The following POLE2 variants were observed in gnomAD, a reference collection of about 807,000 sequenced individuals.
POLE2 encodes DNA polymerase epsilon 2, accessory subunit.
Under a neutral mutation model 79.4 loss-of-function variants are expected in POLE2, and 56 were observed. The ratio of observed to expected loss-of-function variants is 0.71; its 90% CI spans 0.57 to 0.88. The LOEUF is 0.88. POLE2 is among the 40% of genes least tolerant of loss of function. POLE2 has a pLI of 0.00. For synonymous variants in POLE2, 212 were observed against 214.0 expected, an observed-to-expected ratio of 0.99 and a Z score of 0.08; for missense variants, 598 against 638.9, an observed-to-expected ratio of 0.94 and a Z score of 0.69.
chr14:49,664,751 C>T (rs1885357942), intron 8 of POLE2, 77 bp from the exon 9 acceptor site: 1 of 874,474 alleles, frequency 1.1e-6, no homozygotes, highest in Non-Finnish European at 1.9e-6. Flanking sequence ...TCCAACAAGG[C>T]TTCTAAATAA....
intron 6 of POLE2, among the ~76,000 whole-genome samples, chr14:49,667,081 G>A (rs1478492094): frequency 2.0e-5 from 3 of 151,980 alleles, no homozygotes; most frequent in South Asian, 2.1e-4. Context: ...CCAGCTACTC[G>A]GGAGGCTGAG....
At chr14:49,646,313 T>G (rs1410430909) in intron 18 of POLE2, among the ~76,000 whole-genome samples, 7 of 66,380 alleles carry the variant, frequency 1.1e-4, no homozygotes, top group East Asian at 2.7e-4. Flanking sequence ...TTTTTTTTTT[T>G]TTTTTTTTTT....
chr14:49,656,490 A>T (rs371019190), intron 10 of POLE2, among the ~76,000 whole-genome samples: 1 of 152,248 alleles, frequency 6.6e-6, no homozygotes, highest in African/African-American at 2.4e-5. Flanking sequence ...CCATCTGCCC[A>T]AGTAATTCTA....
At chr14:49,680,353 CA>C (rs34930369) in intron 2 of POLE2, among the ~76,000 whole-genome samples, 155 of 139,752 alleles carry the variant, frequency 1.1e-3, no homozygotes, top group Non-Finnish European at 1.0e-3. Context: ...GATACTATCT[CA>C]AAAAAAAAAA....
intron 18 of POLE2, among the ~76,000 whole-genome samples, chr14:49,645,043 C>CAAAAAAAAAAA (rs527251561): frequency 5.7e-5 from 5 of 88,304 alleles, no homozygotes; most frequent in Admixed American, 1.4e-4. Flanking sequence ...CTCCGTCTCA[C>CAAAAAAAAAAA]AAAAAAAAAA....
chr14:49,675,160 C>T (rs1886181445), intron 3 of POLE2, among the ~76,000 whole-genome samples: 1 of 151,268 alleles, frequency 6.6e-6, no homozygotes, highest in Non-Finnish European at 1.5e-5. Flanking sequence ...TCGTGGCTCA[C>T]CACAACCTCC....
At chr14:49,670,545 T>A (rs563238170) in intron 5 of POLE2, among the ~76,000 whole-genome samples, 17 of 152,032 alleles carry the variant, frequency 1.1e-4, no homozygotes, top group Non-Finnish European at 2.5e-4. Context: ...CTTCTATAGA[T>A]AGGAATTCAA....
chr14:49,650,131 G>C (rs1884099866), intron 17 of POLE2, 134 bp downstream of exon 17: 1 of 479,884 alleles, frequency 2.1e-6, no homozygotes, highest in Admixed American at 4.3e-5. Context: ...TCTGTGTATA[G>C]AAACTTAATT....
chr14:49,676,122 C>T (rs1475465567), intron 3 of POLE2, among the ~76,000 whole-genome samples: 2 of 152,114 alleles, frequency 1.3e-5, no homozygotes, highest in Non-Finnish European at 2.9e-5. Context: ...CCCTCCAATT[C>T]TGGCCATATC....
intron 6 of POLE2, among the ~76,000 whole-genome samples, chr14:49,669,093 A>G (rs1474325433): frequency 6.6e-6 from 1 of 152,236 alleles, no homozygotes; most frequent in Non-Finnish European, 1.5e-5. Flanking sequence ...TTCAACCAAT[A>G]TAACACATTC....
At chr14:49,673,291 G>A (rs1335223496) in intron 5 of POLE2, among the ~76,000 whole-genome samples, 2 of 152,136 alleles carry the variant, frequency 1.3e-5, no homozygotes, top group Non-Finnish European at 2.9e-5. Flanking sequence ...AAACCTGGCT[G>A]CGACCGAGTT....
At chr14:49,650,044 G>A (rs1449773747) in intron 17 of POLE2, 3 of 277,906 alleles carry the variant, frequency 1.1e-5, no homozygotes, top group Non-Finnish European at 1.3e-5. Flanking sequence ...GGGTATGCTT[G>A]TTTTTTTGTT....
chr14:49,665,422 T>A (rs915325049), intron 7 of POLE2, among the ~76,000 whole-genome samples: 4 of 152,178 alleles, frequency 2.6e-5, no homozygotes, highest in Non-Finnish European at 5.9e-5. Flanking sequence ...ACATTTGATG[T>A]CTGCCATAAG....
intron 10 of POLE2, among the ~76,000 whole-genome samples, chr14:49,661,921 T>A (rs970341562): frequency 6.6e-6 from 1 of 152,310 alleles, no homozygotes. Context: ...TGAAACATTA[T>A]AATAATGATC....
Position 49,647,295 on chromosome 14 carries a change from A to G in POLE2, c.1563T>C (p.Asp521=), listed in dbSNP as rs56047627. The G allele has an allele frequency of 3.3e-6, 5 of 1,498,324 alleles. No homozygotes were observed. Among genetic ancestry groups the G allele is most frequent in the African/African-American group, 1.4e-5 (1 of 71,610 alleles). 92.8% of individuals were successfully genotyped at this position (1,498,324 alleles called of 1,614,324 possible). A position where few individuals can be genotyped will look rare whatever the true frequency, so the allele number is the denominator to read the frequency against. The change falls in exon 18 of 19, where the codon GAT becomes GAC. Residue 521 remains aspartate, a splice_region_variant and synonymous_variant. Coordinates refer to ENST00000216367, the MANE Select transcript of POLE2 (RefSeq NM_002692.4). ...VFYPSNKTVE[D]SKLQGF ...GCTGTGTCTGTGCACACACTTACCT[A>G]TCTTCTACTGTCTTATTAGAAGGAT...
chr14:49,667,757 T>C (rs1164704443), intron 6 of POLE2, among the ~76,000 whole-genome samples: 1 of 152,100 alleles, frequency 6.6e-6, no homozygotes, highest in Non-Finnish European at 1.5e-5. Flanking sequence ...AGAAACACAA[T>C]TGCTAGATAA....
At position 49,646,317 on chromosome 14, in the gene POLE2, T is replaced by TG. The variant is rs1883769211; in HGVS notation, c.1565+975_1565+976insC. Among the ~76,000 whole-genome samples the TG allele has an allele frequency of 7.2e-5, 5 of 69,040 alleles. No homozygotes were observed. The East Asian group carries it at 1.3e-3, about 18-fold the overall frequency. 45.3% of individuals were successfully genotyped at this position (69,040 alleles called of 152,430 possible). ...TTTTTTGTTGGTTTTTTTTTTTTTT[T>TG]TTTTTTTTTTTTTTTTTTGAGATAG... On this transcript the variant is annotated intron_variant, in intron 18 of 18. Coordinates refer to ENST00000216367, the MANE Select transcript of POLE2 (RefSeq NM_002692.4).
intron 5 of POLE2, among the ~76,000 whole-genome samples, chr14:49,670,317 CAAAAAAAAAAAAAAAA>C (rs61383006): frequency 1.7e-5 from 1 of 59,114 alleles, no homozygotes; most frequent in African/African-American, 6.6e-5. Flanking sequence ...ACTGTGTCTC[CAAAAAAAAAAAAAAAA>C]AAAAAAAAAA....
chr14:49,680,450 A>G (rs1027966668), intron 2 of POLE2, among the ~76,000 whole-genome samples: 3 of 152,226 alleles, frequency 2.0e-5, no homozygotes, highest in Admixed American at 2.0e-4. Context: ...GCATGATAGT[A>G]ACAATAGCAG....
Sources: allele counts gnomAD v4.1 joint callset (sites outside exome capture counted in the v4.1 genomes callset), GRCh38; gene constraint gnomAD v4.1.1; transcripts MANE v1.5; gene names NCBI Gene and HGNC (gene_info 2026-07-23, HGNC 2026-07-21).